The following ADAMTSL1 variants were observed in gnomAD, a reference collection of about 807,000 sequenced individuals.
The protein encoded by ADAMTSL1 is ADAMTS-like protein 1.
In ADAMTSL1, 126 loss-of-function variants were observed where a neutral mutation model predicts 201.8. The observed-to-expected ratio is 0.62, with a 90% CI of 0.54 to 0.72. The LOEUF is 0.72. ADAMTSL1 is among the 30% of genes least tolerant of loss of function. The pLI is 0.00. For synonymous variants in ADAMTSL1, 1,121 were observed against 903.4 expected (o/e 1.24, Z -4.32); for missense variants, 2,679 against 2,277.8 (o/e 1.18, Z -3.59).
chr9:18,341,239 A>G (rs1232320400), intron 2 of ADAMTSL1, among the ~76,000 whole-genome samples: 1 of 152,004 alleles, frequency 6.6e-6, no homozygotes, highest in Non-Finnish European at 1.5e-5. Context: ...TTTATTCTCT[A>G]TACTCCTCTT....
chr9:18,829,747 C>T, intron 22 of ADAMTSL1, 96 bp from the exon 23 acceptor site: 1 of 1,457,444 alleles, frequency 6.9e-7, no homozygotes, highest in African/African-American at 1.4e-5. Flanking sequence ...TACATATACG[C>T]ATACATGTGC....
At chr9:18,289,172 TCTACCTAC>T (rs59121212) in intron 2 of ADAMTSL1, among the ~76,000 whole-genome samples, 5,898 of 138,170 alleles carry the variant, frequency 0.043, 113 homozygotes, top group Middle Eastern at 0.059. Flanking sequence ...TATCTATCTA[TCTACCTAC>T]CTATCTATCT....
At chr9:18,836,425 T>A (rs1383247612) in intron 23 of ADAMTSL1, among the ~76,000 whole-genome samples, 2 of 152,180 alleles carry the variant, frequency 1.3e-5, no homozygotes, top group Non-Finnish European at 2.9e-5. Context: ...CAGAAGCTCT[T>A]TAGTTTGATT....
At chr9:18,075,866 A>C (rs1008730091) in intron 1 of ADAMTSL1, among the ~76,000 whole-genome samples, 4 of 152,286 alleles carry the variant, frequency 2.6e-5, no homozygotes, top group East Asian at 3.9e-4. Flanking sequence ...GTGCTGAGTG[A>C]ATATTTATTG....
chr9:18,290,781 GTTTTTTTTTT>G (rs71492936), intron 2 of ADAMTSL1, among the ~76,000 whole-genome samples: 1 of 135,068 alleles, frequency 7.4e-6, no homozygotes, highest in African/African-American at 3.1e-5. Flanking sequence ...TTTTTTGTGT[GTTTTTTTTTT>G]TTTTTTTTGA....
intron 1 of ADAMTSL1, among the ~76,000 whole-genome samples, chr9:18,026,296 G>A (rs1007732447): frequency 6.6e-6 from 1 of 151,988 alleles, no homozygotes; most frequent in African/African-American, 2.4e-5. Context: ...GTTCTTAAGG[G>A]AAATGCTGCC....
chr9:18,393,997 C>G (rs1449055573), intron 2 of ADAMTSL1, among the ~76,000 whole-genome samples: 2 of 152,154 alleles, frequency 1.3e-5, no homozygotes, highest in Non-Finnish European at 2.9e-5. Flanking sequence ...TTTGTTCCAG[C>G]TAAAAGCATT....
Position 18,504,945 on chromosome 9 carries a change from C to G in ADAMTSL1, c.180C>G (p.Cys60Trp). 6.2e-7 allele frequency: 1 copy of G among 1,608,662 alleles called. No individual in the cohort carries two copies. Among genetic ancestry groups the G allele is most frequent in the Non-Finnish European group, 8.5e-7 (1 of 1,179,012 alleles). Residue 60 changes from cysteine to tryptophan, a missense_variant, in exon 2 of 29, where the codon TGC becomes TGG. Coordinates refer to ENST00000380548, the MANE Select transcript of ADAMTSL1 (RefSeq NM_001040272.6). ...GGGCCTCCTACTCTCTGAGGCGCTGCCTGAGCAGCAAGTAAGTCCTGCACC... is the reference window on the plus strand; with the variant it reads ...GGGCCTCCTACTCTCTGAGGCGCTGGCTGAGCAGCAAGTAAGTCCTGCACC... ...GGGASYSLRR[C>W]LSSKSCEGRN...
intron 2 of ADAMTSL1, among the ~76,000 whole-genome samples, chr9:18,425,005 C>A (rs1488241739): frequency 6.6e-6 from 1 of 152,146 alleles, no homozygotes; most frequent in African/African-American, 2.4e-5. Context: ...TGGCTGAAAA[C>A]AATGCTGAAC....
intron 26 of ADAMTSL1, among the ~76,000 whole-genome samples, chr9:18,896,439 G>GAA (rs1379290383): frequency 1.3e-5 from 2 of 152,254 alleles, no homozygotes; most frequent in East Asian, 3.9e-4. Flanking sequence ...AGGGGGAGGG[G>GAA]CCAAGATGGC....
intron 1 of ADAMTSL1, among the ~76,000 whole-genome samples, chr9:17,918,371 C>T (rs1446470764): frequency 2.7e-5 from 4 of 150,700 alleles, no homozygotes; most frequent in African/African-American, 4.9e-5. Context: ...TTTCTTATAA[C>T]CTTTTATTTC....
chr9:18,611,271 C>G (rs11793774), intron 4 of ADAMTSL1, among the ~76,000 whole-genome samples: 2 of 152,120 alleles, frequency 1.3e-5, no homozygotes, highest in African/African-American at 4.8e-5. Flanking sequence ...GTCTGAGAGA[C>G]AGAAGCAAGG....
intron 2 of ADAMTSL1, among the ~76,000 whole-genome samples, chr9:18,364,496 C>G (rs1836679460): frequency 6.6e-6 from 1 of 152,070 alleles, no homozygotes; most frequent in South Asian, 2.1e-4. Context: ...GAGAAAACTC[C>G]AAGAGACACG....
chr9:18,896,116 A>T (rs1829621241), intron 26 of ADAMTSL1, among the ~76,000 whole-genome samples: 1 of 152,234 alleles, frequency 6.6e-6, no homozygotes, highest in South Asian at 2.1e-4. Context: ...ACCAACATAT[A>T]CATTTTGAGA....
intron 2 of ADAMTSL1, among the ~76,000 whole-genome samples, chr9:18,444,987 G>A (rs765873537): frequency 1.6e-4 from 25 of 152,110 alleles, no homozygotes; most frequent in Non-Finnish European, 2.8e-4. Context: ...AAGTCAGAGA[G>A]TTTAGGTAAC....
intron 2 of ADAMTSL1, among the ~76,000 whole-genome samples, chr9:18,358,001 G>A (rs1308435038): frequency 4.6e-5 from 7 of 152,080 alleles, no homozygotes; most frequent in Non-Finnish European, 7.4e-5. Context: ...TTCCAAGGAG[G>A]CTGTATTGAA....
intron 1 of ADAMTSL1, among the ~76,000 whole-genome samples, chr9:17,982,847 A>G (rs748967967): frequency 1.3e-5 from 2 of 152,040 alleles, no homozygotes; most frequent in Non-Finnish European, 2.9e-5. Flanking sequence ...ATTATCACTT[A>G]TCACCAAGAT....
chr9:18,485,684 G>A (rs113206637), intron 1 of ADAMTSL1, among the ~76,000 whole-genome samples: 6 of 152,176 alleles, frequency 3.9e-5, no homozygotes, highest in Non-Finnish European at 5.9e-5. Flanking sequence ...GGACTTGCAC[G>A]GCAAAGGCCC....
At chr9:17,914,655 T>C (rs1826021076) in intron 1 of ADAMTSL1, among the ~76,000 whole-genome samples, 1 of 151,720 alleles carries the variant, frequency 6.6e-6, no homozygotes, top group South Asian at 2.1e-4. Context: ...CAACATAGTG[T>C]TGGAAGTTCT....
Sources: gnomAD v4.1 joint callset for allele counts (sites outside exome capture counted in the v4.1 genomes callset) on GRCh38, gnomAD v4.1.1 for gene constraint, MANE v1.5 for transcripts, NCBI Gene and HGNC (gene_info 2026-07-23, HGNC 2026-07-21) for gene names.